Variants in PLA2G4D observed in about 807,000 individuals in gnomAD.
PLA2G4D encodes the protein cytosolic phospholipase A2 delta.
A neutral mutation model predicts 94.4 loss-of-function variants in PLA2G4D; 80 were observed. The observed-to-expected ratio is 0.85, with a 90% CI of 0.71 to 1.02. The LOEUF (loss-of-function observed/expected upper bound fraction) is 1.02, where lower values mean the gene tolerates loss of function less well. PLA2G4D is among the 50% of genes least tolerant of loss of function. The pLI, the probability that PLA2G4D is intolerant of heterozygous loss-of-function variation, is 0.00. For synonymous variants in PLA2G4D, 438 were observed against 440.9 expected, an observed-to-expected ratio of 0.99 and a Z score of 0.08; for missense variants, 1,050 against 1,034.7, an observed-to-expected ratio of 1.01 and a Z score of -0.20.
chr15:42,085,431 G>C (rs1442996450), intron 5 of PLA2G4D, 60 bp downstream of exon 5: 1 of 1,579,890 alleles, frequency 6.3e-7, no homozygotes, highest in African/African-American at 1.3e-5. Context: ...ATCTGGGTCA[G>C]GGCCATTTCC....
intron 13 of PLA2G4D, 90 bp from the exon 14 acceptor site, chr15:42,072,482 G>A: frequency 2.9e-6 from 3 of 1,028,294 alleles, no homozygotes; most frequent in Non-Finnish European, 4.4e-6. Context: ...TGGGGGACCT[G>A]GCTGGGGGTG....
At chr15:42,081,925 T>TTA in intron 9 of PLA2G4D, 91 bp from the exon 10 acceptor site, 108 of 1,201,844 alleles carry the variant, frequency 9.0e-5, no homozygotes, top group Non-Finnish European at 1.1e-4. Context: ...TTCATCTTCA[T>TTA]TCTTTTTTTT....
Position 42,068,863 on chromosome 15 carries a change from T to C in PLA2G4D, c.2309A>G (p.Asn770Ser). 1 of 1,613,890 alleles carries C rather than the reference T, an allele frequency of 6.2e-7. No individual in the cohort carries two copies. The highest frequency in any genetic ancestry group is 8.5e-7 in the Non-Finnish European group (1 of 1,180,018). The change falls in exon 20 of 20, where the codon AAC becomes AGC. Residue 770 changes from asparagine to serine, a missense_variant. Asn to Ser is a conservative substitution (Grantham distance 46). Transcript: ENST00000290472. ...GAAGTCTTCCTCCTTGTAGGTCATG[T>C]TGGACAGGGTGTAGGGGCAGGTGGC... ...TGATCPYTLSNMTYKEEDFER... is the reference protein window; with the variant it reads ...TGATCPYTLSSMTYKEEDFER...
At chr15:42,078,522 C>A (rs1889971770) in intron 13 of PLA2G4D, among the ~76,000 whole-genome samples, 1 of 152,038 alleles carries the variant, frequency 6.6e-6, no homozygotes, top group Non-Finnish European at 1.5e-5. Flanking sequence ...TAGCTAATAA[C>A]AAATAAGGAT....
rs750341534 is a variant in PLA2G4D, at chr15:42,072,396, G to A, written c.1318-4C>T. 34 of 1,609,586 alleles carry A rather than the reference G, an allele frequency of 2.1e-5. No homozygotes were observed. Among genetic ancestry groups the A allele is most frequent in the Non-Finnish European group, 2.9e-5 (34 of 1,177,612 alleles). ...CTGACAGCTTCTGATCCATCACCTG[G>A]GGCCAGAGGGCATCAGGGCCTAAGT... On this transcript the variant is annotated splice_polypyrimidine_tract_variant and splice_region_variant and intron_variant, in intron 13 of 19. Coordinates refer to ENST00000290472, the MANE Select transcript of PLA2G4D (RefSeq NM_178034.4).
chr15:42,081,714 A>C, intron 10 of PLA2G4D, 83 bp downstream of exon 10: 1 of 1,612,044 alleles, frequency 6.2e-7, no homozygotes, highest in Middle Eastern at 1.7e-4. Context: ...CTCTCCTCCA[A>C]TCTCAAGGAC....
At position 42,087,363 on chromosome 15, in the gene PLA2G4D, G is replaced by A. The variant is rs867552515; in HGVS notation, c.192C>T (p.Leu64=). ...TCCACACAGGATGACTGGTGTCGGT[G>A]AGCGTCTTGGTCTTAAACTTCATTC... is the stretch of plus-strand genomic sequence containing the variant. ...APGMKFKTKT[L]TDTSHPVWNE... is the part of the protein sequence containing the mutation. Residue 64 remains leucine, a synonymous_variant, in exon 3 of 20, where the codon CTC becomes CTT. Coordinates refer to ENST00000290472, the MANE Select transcript of PLA2G4D (RefSeq NM_178034.4). 6.2e-7 allele frequency: 1 copy of A among 1,614,184 alleles called. No homozygotes were observed. The highest frequency in any genetic ancestry group is 8.5e-7 in the Non-Finnish European group (1 of 1,180,036).
intron 14 of PLA2G4D, 63 bp from the exon 15 acceptor site, chr15:42,071,974 T>G: frequency 1.3e-6 from 2 of 1,572,030 alleles, no homozygotes; most frequent in Non-Finnish European, 1.7e-6. Flanking sequence ...TCCCCAGCTC[T>G]GGCGAAAGAC....
At chr15:42,094,305 CTCTGGCCCAG>C (rs1315837095) in intron 1 of PLA2G4D, 100 bp downstream of exon 1, 2 of 1,342,674 alleles carry the variant, frequency 1.5e-6, no homozygotes, top group Non-Finnish European at 2.1e-6. Flanking sequence ...CTCCCTCGCC[CTCTGGCCCAG>C]TCTGAAATCA....
In PLA2G4D at chr15:42,085,513, C is replaced by T. The variant is rs746853990; in HGVS notation, c.406G>A (p.Val136Met). 6.2e-7 allele frequency: 1 copy of T among 1,614,162 alleles called. No individual in the cohort carries two copies. Among genetic ancestry groups the T allele is most frequent in the South Asian group, 1.1e-5 (1 of 91,082 alleles). Residue 136 changes from valine (V) to methionine (M), a missense_variant, in exon 5 of 20, where the codon GTG becomes ATG. By Grantham distance (21) the Val-to-Met change is conservative. Transcript: ENST00000290472. ...CACGTTTCTTCCATCAGGAACTCCA[C>T]ATCCAGCTCCTCCTCTCCCTGAAAT... ...QSPQGEEELD[V>M]EFLMEETSDR...
At chr15:42,075,972 G>C (rs1204140826) in intron 13 of PLA2G4D, among the ~76,000 whole-genome samples, 2 of 151,794 alleles carry the variant, frequency 1.3e-5, no homozygotes, top group East Asian at 1.9e-4. Context: ...GAAGGAAACA[G>C]CAAAGGGTCA....
At position 42,070,754 on chromosome 15, in the gene PLA2G4D, A is replaced by G. The variant is rs137875756; in HGVS notation, c.2006T>C (p.Ile669Thr). Reference protein sequence around the residue: ...MFRPGRRLDLILSFDYSLSAP... With the variant: ...MFRPGRRLDLTLSFDYSLSAP... ...AGATAGGGAGTAGTCGAAGGAGAGG[A>G]TGAGGTCCAGCCTGCGGCCTGGCCG... is the stretch of plus-strand genomic sequence containing the variant. Residue 669 changes from isoleucine (I) to threonine (T), a missense_variant, in exon 18 of 20, where the codon ATC (isoleucine) becomes ACC (threonine). Physicochemically the swap from Ile to Thr is moderately conservative, Grantham distance 89 (BLOSUM62 -1). Transcript: ENST00000290472. 87 of 1,577,590 alleles carry G rather than the reference A, an allele frequency of 5.5e-5. 1 individual carries two copies. The African/African-American group carries it at 1.1e-3, about 20-fold the overall frequency.
intron 1 of PLA2G4D, among the ~76,000 whole-genome samples, chr15:42,093,797 C>T (rs1890288470): frequency 6.6e-6 from 1 of 152,198 alleles, no homozygotes; most frequent in Non-Finnish European, 1.5e-5. Context: ...ACACACTTAG[C>T]CTCATTCCTG....
chr15:42,079,457 C>T (rs1162116763), intron 13 of PLA2G4D, 80 bp downstream of exon 13: 2 of 1,376,910 alleles, frequency 1.5e-6, no homozygotes, highest in Non-Finnish European at 2.0e-6. Flanking sequence ...AATACGCACG[C>T]GCATGTCAGC....
chr15:42,077,526 C>A (rs1194465791), intron 13 of PLA2G4D, among the ~76,000 whole-genome samples: 1 of 152,238 alleles, frequency 6.6e-6, no homozygotes, highest in East Asian at 1.9e-4. Flanking sequence ...AGTCTCACCT[C>A]ATTCTTACCT....
chr15:42,079,524 G>T lies in PLA2G4D; in HGVS notation c.1317+13C>A. 2 of 1,582,494 alleles carry T rather than the reference G, an allele frequency of 1.3e-6. No individual in the cohort carries two copies. The highest frequency in any genetic ancestry group is 8.5e-7 in the Non-Finnish European group (1 of 1,169,780). On this transcript the variant is annotated intron_variant, in intron 13 of 19. Coordinates refer to ENST00000290472, the MANE Select transcript of PLA2G4D (RefSeq NM_178034.4). ...GCACACACGCGTCTCCCCCACGTGC[G>T]CAGGCGCCCTACCTGGCCGTGCAGC... is the stretch of plus-strand genomic sequence containing the variant.
At chr15:42,086,458 C>T (rs1019479687) in intron 3 of PLA2G4D, 114 bp from the exon 4 acceptor site, 14 of 951,904 alleles carry the variant, frequency 1.5e-5, no homozygotes, top group East Asian at 5.1e-5. Context: ...TGCCACCACA[C>T]GTCTGCGCTT....
In PLA2G4D at chr15:42,087,347, G is replaced by A. The variant is rs770106225; in HGVS notation, c.208C>T (p.Pro70Ser). 1.9e-6 allele frequency: 3 copies of A among 1,614,072 alleles called. No individual in the cohort carries two copies. Among genetic ancestry groups the A allele is most frequent in the Non-Finnish European group, 2.5e-6 (3 of 1,180,046 alleles). Residue 70 changes from proline to serine, a missense_variant, in exon 3 of 20, where the codon CCT (proline) becomes TCT (serine). Physicochemically the swap from Pro to Ser is moderately conservative, Grantham distance 74. Coordinates refer to ENST00000290472, the MANE Select transcript of PLA2G4D (RefSeq NM_178034.4). ...AAACGGAAGGCCTCATTCCACACAG[G>A]ATGACTGGTGTCGGTGAGCGTCTTG... ...KTKTLTDTSH[P>S]VWNEAFRFLI... is the part of the protein sequence containing the mutation.
intron 9 of PLA2G4D, 31 bp downstream of exon 9, chr15:42,082,248 T>C: frequency 6.4e-7 from 1 of 1,555,576 alleles, no homozygotes; most frequent in Non-Finnish European, 8.9e-7. Flanking sequence ...TCATTCTTAC[T>C]GGCATTTCCC....
Sources: allele counts gnomAD v4.1 joint callset (sites outside exome capture counted in the v4.1 genomes callset), GRCh38; gene constraint gnomAD v4.1.1; transcripts MANE v1.5; gene names NCBI Gene and HGNC (gene_info 2026-07-23, HGNC 2026-07-21).